Variants in ANKRD30B observed in about 807,000 individuals in gnomAD.
ANKRD30B encodes the protein ankyrin repeat domain 30B, also known as ankyrin repeat domain-containing protein 30B.
In ANKRD30B, 144 loss-of-function variants were observed where a neutral mutation model predicts 202.2. The observed-to-expected ratio is 0.71, with a 90% CI of 0.62 to 0.82. The LOEUF (loss-of-function observed/expected upper bound fraction) is 0.82. ANKRD30B is among the 40% of genes least tolerant of loss of function. ANKRD30B has a pLI of 0.00. For synonymous variants in ANKRD30B, 508 were observed against 561.3 expected, an observed-to-expected ratio of 0.91 and a Z score of 1.34; for missense variants, 1,487 against 1,669.1, an observed-to-expected ratio of 0.89 and a Z score of 1.90.
At chr18:14,753,058 G>C (rs755123712) in intron 3 of ANKRD30B, 46 bp downstream of exon 3, 2 of 1,455,110 alleles carry the variant, frequency 1.4e-6, no homozygotes, top group East Asian at 2.5e-5. Context: ...AAATCCATTT[G>C]TTTTAATGTT....
chr18:14,819,691 C>A (rs1205828939), intron 30 of ANKRD30B, among the ~76,000 whole-genome samples: 2 of 151,884 alleles, frequency 1.3e-5, no homozygotes, highest in African/African-American at 4.8e-5. Flanking sequence ...GGCGTTATTT[C>A]TGAGGGCTCT....
At chr18:14,883,399 CTATATA>C in the ANKRD30B span, 77 of 37,186 alleles carry the variant, frequency 2.1e-3, no homozygotes, top group African/African-American at 7.3e-3. Context: ...CTCTCTCTCT[CTATATA>C]TATATATATA....
chr18:14,906,453 A>G, the ANKRD30B span, among the ~76,000 whole-genome samples: 2 of 152,226 alleles, frequency 1.3e-5, no homozygotes, highest in African/African-American at 4.8e-5. Context: ...TATTAAATAA[A>G]TTATGAAAAG....
chr18:14,819,788 A>G (rs866972768), intron 30 of ANKRD30B, among the ~76,000 whole-genome samples: 1 of 152,156 alleles, frequency 6.6e-6, no homozygotes, highest in South Asian at 2.1e-4. Flanking sequence ...GTTTGAAGTC[A>G]GGTACTGTGA....
the ANKRD30B span, among the ~76,000 whole-genome samples, chr18:14,903,374 A>C: frequency 2.0e-5 from 3 of 152,174 alleles, no homozygotes; most frequent in Non-Finnish European, 2.9e-5. Flanking sequence ...AGGAGATGGG[A>C]ATGTAGGTAA....
intron 9 of ANKRD30B, among the ~76,000 whole-genome samples, chr18:14,773,805 G>A (rs1967174393): frequency 1.3e-5 from 2 of 151,888 alleles, no homozygotes; most frequent in South Asian, 4.2e-4. Context: ...ACAGGCGCAT[G>A]CCACAATGCA....
At chr18:14,907,953 A>T in the ANKRD30B span, among the ~76,000 whole-genome samples, 1 of 152,166 alleles carries the variant, frequency 6.6e-6, no homozygotes, top group Admixed American at 6.5e-5. Flanking sequence ...ATAATTTGAG[A>T]TACATTAACA....
intron 34 of ANKRD30B, among the ~76,000 whole-genome samples, chr18:14,833,382 G>A (rs565640578): frequency 5.9e-5 from 9 of 152,110 alleles, no homozygotes; most frequent in Non-Finnish European, 1.0e-4. Context: ...CAGAGCAACT[G>A]GAACTACAGG....
the ANKRD30B span, among the ~76,000 whole-genome samples, chr18:14,875,238 A>G: frequency 6.6e-6 from 1 of 152,222 alleles, no homozygotes; most frequent in African/African-American, 2.4e-5. Context: ...TGGAGCAAGG[A>G]AACCCCATAA....
intron 24 of ANKRD30B, among the ~76,000 whole-genome samples, chr18:14,806,724 TAGAA>T (rs1969547532): frequency 6.7e-6 from 1 of 149,056 alleles, no homozygotes; most frequent in Non-Finnish European, 1.5e-5. Context: ...TATCTTGTCT[TAGAA>T]AGGTCAAAGC....
chr18:14,826,693 T>TCTCTCACACACACA (rs762792279), intron 32 of ANKRD30B, among the ~76,000 whole-genome samples: 1,612 of 125,000 alleles, frequency 0.013, 11 homozygotes, highest in East Asian at 0.019. Flanking sequence ...TCTCTCTCTC[T>TCTCTCACACACACA]CACACACACA....
At chr18:14,790,276 A>AAGG (rs1392201276) in intron 15 of ANKRD30B, among the ~76,000 whole-genome samples, 1 of 152,206 alleles carries the variant, frequency 6.6e-6, no homozygotes, top group Non-Finnish European at 1.5e-5. Flanking sequence ...TTATCAGCTT[A>AAGG]AGGAGATTTT....
At chr18:14,898,096 A>T in the ANKRD30B span, among the ~76,000 whole-genome samples, 1 of 152,200 alleles carries the variant, frequency 6.6e-6, no homozygotes, top group South Asian at 2.1e-4. Flanking sequence ...CCAATTCTAT[A>T]GATCTTTTGT....
intron 14 of ANKRD30B, 120 bp downstream of exon 14, chr18:14,784,655 T>C (rs1463983839): frequency 1.9e-5 from 21 of 1,088,022 alleles, no homozygotes; most frequent in Admixed American, 3.0e-5. Context: ...ATCTAGATAA[T>C]GCCAATACTG....
At chr18:14,769,403 A>G in intron 8 of ANKRD30B, 30 bp downstream of exon 8, 1 of 1,526,020 alleles carries the variant, frequency 6.6e-7, no homozygotes, top group Non-Finnish European at 8.9e-7. Context: ...TAAAACGAAT[A>G]GGTTAACTCA....
the ANKRD30B span, among the ~76,000 whole-genome samples, chr18:14,871,373 G>A: frequency 2.0e-5 from 3 of 151,208 alleles, no homozygotes; most frequent in South Asian, 2.1e-4. Flanking sequence ...GCACAGGACT[G>A]TGTGCAGCAT....
rs1329368361 is a variant in ANKRD30B, at chr18:14,748,633, A to C, written c.214A>C (p.Lys72Gln). ...CGTCAACCTGAACAAAAGAGATATG[A>C]AGAAGAGGTACCAGGCCCTGCCTGA... ...KPVNLNKRDM[K>Q]KRTALHWACV... Residue 72 changes from lysine to glutamine, a missense_variant, in exon 1 of 44, where the codon AAG becomes CAG. By Grantham distance (53) the Lys-to-Gln change is moderately conservative. Coordinates refer to ENST00000690538, the MANE Select transcript of ANKRD30B (RefSeq NM_001367607.2). 9.0e-6 allele frequency: 14 copies of C among 1,559,858 alleles called. No individual in the cohort carries two copies. Among genetic ancestry groups the C allele is most frequent in the Non-Finnish European group, 1.1e-5 (13 of 1,152,224 alleles).
chr18:14,749,533 T>C (rs1913060584), intron 1 of ANKRD30B, among the ~76,000 whole-genome samples: 1 of 151,838 alleles, frequency 6.6e-6, no homozygotes, highest in Admixed American at 6.6e-5. Flanking sequence ...TAGCTGGGCC[T>C]GATGTCGGGT....
At position 14,777,985 on chromosome 18, in the gene ANKRD30B, A is replaced by AT; in HGVS notation, c.1332dup (p.Ile445TyrfsTer3). The AT allele has an allele frequency of 6.5e-7, 1 of 1,538,584 alleles. No homozygotes were observed. Among genetic ancestry groups the AT allele is most frequent in the Non-Finnish European group, 8.8e-7 (1 of 1,139,088 alleles). On this transcript the variant is annotated frameshift_variant and splice_region_variant, in exon 10 of 44. Coordinates refer to ENST00000690538, the MANE Select transcript of ANKRD30B (RefSeq NM_001367607.2). LOFTEE classifies it high-confidence loss of function. ...TATTTATTGGTATTACCTTTAACAG[A>AT]TTATCTCTAAGAGTGCTGCACAGAA...
Sources: gnomAD v4.1 joint callset for allele counts (sites outside exome capture counted in the v4.1 genomes callset) on GRCh38, gnomAD v4.1.1 for gene constraint, MANE v1.5 for transcripts, NCBI Gene and HGNC (gene_info 2026-07-23, HGNC 2026-07-21) for gene names.